The following ARHGAP24 variants were observed in gnomAD, a reference collection of about 807,000 sequenced individuals.
ARHGAP24 encodes the protein rho GTPase-activating protein 24.
A neutral mutation model predicts 76.4 loss-of-function variants in ARHGAP24; 50 were observed. The observed-to-expected ratio is 0.65, with a 90% CI of 0.52 to 0.83. The LOEUF is 0.83. Ranked by LOEUF, ARHGAP24 falls within the 40% of genes least tolerant of loss-of-function variation. The pLI is 0.00. For missense variants in ARHGAP24, 930 were observed against 914.2 expected (o/e 1.02, Z -0.22); for synonymous variants, 345 against 323.3 (o/e 1.07, Z -0.72).
chr4:85,650,637 A>C, intron 2 of ARHGAP24, among the ~76,000 whole-genome samples: 1 of 149,620 alleles, frequency 6.7e-6, no homozygotes, highest in South Asian at 2.1e-4. Context: ...TACAATAATT[A>C]TTATTAATAC....
At chr4:85,759,031 A>G (rs1272287435) in intron 3 of ARHGAP24, among the ~76,000 whole-genome samples, 1 of 152,108 alleles carries the variant, frequency 6.6e-6, no homozygotes, top group Admixed American at 6.5e-5. Context: ...CAATTAACAG[A>G]AAAAAAATTG....
chr4:85,835,402 A>C (rs72980807), intron 3 of ARHGAP24, among the ~76,000 whole-genome samples: 28,438 of 151,492 alleles, frequency 0.19, 3,202 homozygotes, highest in East Asian at 0.54. Flanking sequence ...TCTACTAAAA[A>C]TACAAAAATT....
At chr4:85,620,765 T>TTTTTTA (rs935868715) in intron 2 of ARHGAP24, among the ~76,000 whole-genome samples, 1 of 151,908 alleles carries the variant, frequency 6.6e-6, no homozygotes, top group Non-Finnish European at 1.5e-5. Context: ...ATGTTTCTTC[T>TTTTTTA]TTTTTATTTT....
intron 1 of ARHGAP24, among the ~76,000 whole-genome samples, chr4:85,519,189 A>T (rs1191597643): frequency 6.6e-6 from 1 of 152,210 alleles, no homozygotes; most frequent in Non-Finnish European, 1.5e-5. Context: ...TTCCTTGATT[A>T]CAATGACCTT....
At chr4:85,687,845 T>C (rs28897130) in intron 2 of ARHGAP24, among the ~76,000 whole-genome samples, 61,850 of 151,698 alleles carry the variant, frequency 0.41, 15,126 homozygotes, top group African/African-American at 0.68. Context: ...GAGTTTTGCT[T>C]TTATTGCCCA....
At chr4:85,805,649 T>G (rs1274153957) in intron 3 of ARHGAP24, among the ~76,000 whole-genome samples, 1 of 152,238 alleles carries the variant, frequency 6.6e-6, no homozygotes, top group Non-Finnish European at 1.5e-5. Context: ...CTTTATGGCT[T>G]GAAATACTTT....
intron 3 of ARHGAP24, among the ~76,000 whole-genome samples, chr4:85,840,956 A>C (rs938811763): frequency 2.0e-5 from 3 of 152,196 alleles, no homozygotes; most frequent in African/African-American, 7.2e-5. Context: ...TTGGTCAATA[A>C]AGTGTTACAA....
At chr4:85,500,687 C>A (rs1439664870) in intron 1 of ARHGAP24, among the ~76,000 whole-genome samples, 3 of 151,964 alleles carry the variant, frequency 2.0e-5, no homozygotes, top group Non-Finnish European at 4.4e-5. Flanking sequence ...AAGCTCATGG[C>A]CTCAGAATGG....
Position 85,780,423 on chromosome 4 carries a change from C to T in ARHGAP24, c.268+58451C>T, listed in dbSNP as rs181440918. On this transcript the variant is annotated intron_variant, in intron 3 of 9. Coordinates refer to ENST00000395184, the MANE Select transcript of ARHGAP24 (RefSeq NM_001025616.3). ...TGCTGACCTCATGATCCACCCACCT[C>T]GGCCTCCCAAAGTGCTGGGATTACA... Among the ~76,000 whole-genome samples, 562 of 152,242 alleles carry T rather than the reference C, an allele frequency of 3.7e-3. 3 individuals are homozygous for T. Among genetic ancestry groups the T allele is most frequent in the Non-Finnish European group, 6.2e-3 (423 of 68,006 alleles).
At chr4:85,578,678 T>A (rs1283164671) in intron 2 of ARHGAP24, among the ~76,000 whole-genome samples, 1 of 152,210 alleles carries the variant, frequency 6.6e-6, no homozygotes, top group Non-Finnish European at 1.5e-5. Context: ...CATGAAATAA[T>A]GTTTCTAGAA....
At position 85,735,005 on chromosome 4, in the gene ARHGAP24, G is replaced by C. The variant is rs936813612; in HGVS notation, c.268+13033G>C. 2.6e-5 allele frequency among the ~76,000 whole-genome samples: 4 copies of C among 152,064 alleles called. No individual in the cohort carries two copies. The East Asian group carries it at 7.7e-4, about 29-fold the overall frequency. On this transcript the variant is annotated intron_variant, in intron 3 of 9. Coordinates refer to ENST00000395184, the MANE Select transcript of ARHGAP24 (RefSeq NM_001025616.3). ...AAAATTACTTATATCTGTTACTACA[G>C]AGAAACTGCCCCTTTTCCTTCCTAA...
intron 3 of ARHGAP24, among the ~76,000 whole-genome samples, chr4:85,744,650 C>A (rs1031483664): frequency 6.6e-6 from 1 of 152,102 alleles, no homozygotes. Context: ...CCACCCTCCA[C>A]GCGTTAGAGG....
In ARHGAP24 at chr4:85,755,750, A is replaced by G. The variant is rs1365995249; in HGVS notation, c.268+33778A>G. 2.0e-5 allele frequency among the ~76,000 whole-genome samples: 3 copies of G among 150,880 alleles called. No homozygotes were observed. In the East Asian group the frequency reaches 5.9e-4, roughly 30 times the overall value. ...CAGGGTCAAGTGATTCTCCTGCCTC[A>G]GCGTCCTGAGTAGCTGGGATTACAG... On this transcript the variant is annotated intron_variant, in intron 3 of 9. Transcript: ENST00000395184.
intron 8 of ARHGAP24, among the ~76,000 whole-genome samples, chr4:85,992,988 C>T (rs965349519): frequency 6.6e-6 from 1 of 152,014 alleles, no homozygotes; most frequent in Admixed American, 6.6e-5. Context: ...TGCATTTCAC[C>T]TTGATCACAT....
At chr4:85,621,599 T>A (rs1156804266) in intron 2 of ARHGAP24, among the ~76,000 whole-genome samples, 1 of 152,144 alleles carries the variant, frequency 6.6e-6, no homozygotes, top group Non-Finnish European at 1.5e-5. Context: ...CTTTGCCTAC[T>A]TTTTAATGGA....
intron 1 of ARHGAP24, among the ~76,000 whole-genome samples, chr4:85,553,326 C>A (rs886526891): frequency 1.3e-5 from 2 of 152,104 alleles, no homozygotes; most frequent in Non-Finnish European, 2.9e-5. Flanking sequence ...AGGTGGCCTG[C>A]TTTTATTCCC....
intron 2 of ARHGAP24, among the ~76,000 whole-genome samples, chr4:85,642,132 A>G (rs886530078): frequency 4.6e-5 from 7 of 152,242 alleles, no homozygotes; most frequent in Non-Finnish European, 7.4e-5. Context: ...CTTTACAGCC[A>G]GCTCCCAAGA....
At chr4:85,704,956 G>A (rs1037555867) in intron 2 of ARHGAP24, among the ~76,000 whole-genome samples, 1 of 152,008 alleles carries the variant, frequency 6.6e-6, no homozygotes, top group Non-Finnish European at 1.5e-5. Context: ...AAGTAGAATG[G>A]AATCACTTAG....
intron 2 of ARHGAP24, among the ~76,000 whole-genome samples, chr4:85,647,372 G>A (rs990164640): frequency 3.9e-5 from 6 of 151,950 alleles, no homozygotes; most frequent in Non-Finnish European, 7.4e-5. Context: ...CTTTCCTTTT[G>A]GTGTCCTTTG....
Sources: gnomAD v4.1 joint callset for allele counts (sites outside exome capture counted in the v4.1 genomes callset) on GRCh38, gnomAD v4.1.1 for gene constraint, MANE v1.5 for transcripts, NCBI Gene and HGNC (gene_info 2026-07-23, HGNC 2026-07-21) for gene names.